OR6C1: variants seen among roughly 807,000 people sequenced by gnomAD.
OR6C1 encodes olfactory receptor 6C1.
For synonymous variants in OR6C1, 157 were observed against 133.3 expected (o/e 1.18, Z -1.22); for missense variants, 386 against 366.1 (o/e 1.05, Z -0.44).
chr12:55,316,095 A>G (rs1233803647), intron 1 of OR6C1, among the ~76,000 whole-genome samples: 5 of 123,086 alleles, frequency 4.1e-5, no homozygotes, highest in Admixed American at 7.8e-5. Flanking sequence ...TAAAAAGTAC[A>G]TACACACACA....
intron 1 of OR6C1, among the ~76,000 whole-genome samples, chr12:55,318,414 A>G (rs561523132): frequency 6.6e-6 from 1 of 151,660 alleles, no homozygotes; most frequent in Non-Finnish European, 1.5e-5. Flanking sequence ...CTTTGTTGTT[A>G]TTGTTCTCAT....
intron 1 of OR6C1, among the ~76,000 whole-genome samples, chr12:55,316,799 T>C (rs569932624): frequency 1.3e-5 from 2 of 152,082 alleles, no homozygotes; most frequent in Admixed American, 6.6e-5. Flanking sequence ...TTGGATCACA[T>C]GCTACTAGAG....
intron 1 of OR6C1, among the ~76,000 whole-genome samples, chr12:55,318,639 T>C (rs1345531674): frequency 6.8e-6 from 1 of 147,948 alleles, no homozygotes; most frequent in Non-Finnish European, 1.5e-5. Flanking sequence ...TTTATTTATA[T>C]AAAAATATAA....
chr12:55,316,190 C>T (rs1220213109), intron 1 of OR6C1, among the ~76,000 whole-genome samples: 6 of 150,928 alleles, frequency 4.0e-5, no homozygotes, highest in South Asian at 4.2e-4. Context: ...CTTAAAAGCA[C>T]ATACCTAGAT....
At position 55,321,366 on chromosome 12, in the gene OR6C1, T is replaced by G. The variant is rs1312104499; in HGVS notation, c.767T>G (p.Met256Arg). 6 of 1,613,888 alleles carry G rather than the reference T, an allele frequency of 3.7e-6. No homozygotes were observed. In the African/African-American group the frequency reaches 5.3e-5, roughly 14 times the overall value. The change falls in exon 2 of 2, where the codon ATG becomes AGG. Residue 256 changes from methionine to arginine, a missense_variant. Coordinates refer to ENST00000642104, the MANE Select transcript of OR6C1 (RefSeq NM_001005182.2). ...VSISYGSCIF[M>R]YIKPSAKDRV... Reference sequence around the variant, plus strand: ...ATCTCTTATGGCAGCTGCATTTTTATGTACATTAAACCCTCAGCAAAAGAT... The same window carrying G: ...ATCTCTTATGGCAGCTGCATTTTTAGGTACATTAAACCCTCAGCAAAAGAT...
At chr12:55,320,533 T>C (rs1868512829) in intron 1 of OR6C1, 34 bp from the exon 2 acceptor site, 2 of 924,122 alleles carry the variant, frequency 2.2e-6, no homozygotes, top group Non-Finnish European at 3.4e-6. Context: ...AATTGATAAC[T>C]CTTCAAGTTT....
rs1270509150 is a variant in OR6C1, at chr12:55,321,721, C to T, written c.*183C>T. The T allele has an allele frequency of 2.4e-6, 1 of 421,758 alleles. No individual in the cohort carries two copies. The highest frequency in any genetic ancestry group is 2.0e-5 in the African/African-American group (1 of 48,816). The allele number at this position is 421,758 out of a possible 1,614,324, so 26.1% of individuals were successfully genotyped here. A position where few individuals can be genotyped will look rare whatever the true frequency, so the allele number is the denominator to read the frequency against. On this transcript the variant is annotated 3_prime_UTR_variant, in exon 2 of 2. Transcript: ENST00000642104. ...AAATAATTTTCTTGTGTCTTCCTGA[C>T]ACCCCCTCCTTTGAACAATTTTTTG...
Position 55,321,308 on chromosome 12 carries a change from T to C in OR6C1, c.709T>C (p.Ser237Pro). ...TACTAGTCAGAGGACAAAGGCCTTT[T>C]CCACATGTTCTTCCCACATGGTTGT... ...PSTSQRTKAF[S>P]TCSSHMVVVS... The change falls in exon 2 of 2, where the codon TCC (serine) becomes CCC (proline). Residue 237 changes from serine to proline, a missense_variant. By Grantham distance (74) the Ser-to-Pro change is moderately conservative. Coordinates refer to ENST00000642104, the MANE Select transcript of OR6C1 (RefSeq NM_001005182.2). 1 of 1,613,354 alleles carries C rather than the reference T, an allele frequency of 6.2e-7. No homozygotes were observed. Among genetic ancestry groups the C allele is most frequent in the East Asian group, 2.2e-5 (1 of 44,862 alleles).
Position 55,321,142 on chromosome 12 carries a change from ACTG to A in OR6C1, c.548_550del (p.Leu183del). ...ACCATTTTACCTGTGATTATTTTCC[ACTG>A]CTGCAACTTGCTTGTTCAGACACAA... On this transcript the variant is annotated inframe_deletion, in exon 2 of 2. Coordinates refer to ENST00000642104, the MANE Select transcript of OR6C1 (RefSeq NM_001005182.2). 6.2e-7 allele frequency: 1 copy of A among 1,613,924 alleles called. No homozygotes were observed. The highest frequency in any genetic ancestry group is 8.5e-7 in the Non-Finnish European group (1 of 1,179,942).
chr12:55,316,931 G>C (rs1868419625), intron 1 of OR6C1, among the ~76,000 whole-genome samples: 1 of 151,568 alleles, frequency 6.6e-6, no homozygotes, highest in Non-Finnish European at 1.5e-5. Flanking sequence ...CTTTTCCTAT[G>C]TTCCCTCACA....
At chr12:55,317,439 A>G (rs997462764) in intron 1 of OR6C1, among the ~76,000 whole-genome samples, 2 of 152,058 alleles carry the variant, frequency 1.3e-5, no homozygotes, top group African/African-American at 2.4e-5. Context: ...TTTAGCCAAT[A>G]CGGTGAACTT....
rs377517445 is a variant in OR6C1 at position 55,321,349 on chromosome 12, T to C, written c.750T>C (p.Tyr250=). The C allele has an allele frequency of 6.2e-7, 1 of 1,613,930 alleles. No individual in the cohort carries two copies. Among genetic ancestry groups the C allele is most frequent in the East Asian group, 2.2e-5 (1 of 44,870 alleles). The change falls in exon 2 of 2, where the codon TAT becomes TAC. Residue 250 remains tyrosine, a synonymous_variant. Coordinates refer to ENST00000642104, the MANE Select transcript of OR6C1 (RefSeq NM_001005182.2). ...SSHMVVVSIS[Y]GSCIFMYIKP... ...ACATGGTTGTTGTCTCCATCTCTTA[T>C]GGCAGCTGCATTTTTATGTACATTA...
intron 1 of OR6C1, among the ~76,000 whole-genome samples, chr12:55,315,676 T>C (rs1269809816): frequency 1.3e-5 from 2 of 151,706 alleles, no homozygotes; most frequent in Non-Finnish European, 3.0e-5. Flanking sequence ...TTTAATAAAA[T>C]AATTATTTCA....
At chr12:55,319,237 T>G (rs1397181380) in intron 1 of OR6C1, among the ~76,000 whole-genome samples, 1 of 152,188 alleles carries the variant, frequency 6.6e-6, no homozygotes, top group Non-Finnish European at 1.5e-5. Context: ...CTCTTCTGTA[T>G]TCCAAACATC....
chr12:55,315,037 AAC>A, intron 1 of OR6C1, among the ~76,000 whole-genome samples: 1 of 151,806 alleles, frequency 6.6e-6, no homozygotes, highest in African/African-American at 2.4e-5. Context: ...AATAAATCAC[AAC>A]TACAATGAAT....
At chr12:55,317,681 T>C (rs961811665) in intron 1 of OR6C1, among the ~76,000 whole-genome samples, 2 of 151,858 alleles carry the variant, frequency 1.3e-5, no homozygotes, top group African/African-American at 4.8e-5. Context: ...CTGGATTATG[T>C]TGAAATAGCT....
Position 55,316,375 on chromosome 12 carries a change from T to G in OR6C1, c.-34+1776T>G, listed in dbSNP as rs963344917. ...GATGCTTTGTAACCATTTTATTTAG[T>G]AAATATTAAATATCACCCTTAATTT... On this transcript the variant is annotated intron_variant, in intron 1 of 1. Coordinates refer to ENST00000642104, the MANE Select transcript of OR6C1 (RefSeq NM_001005182.2). 2.0e-5 allele frequency among the ~76,000 whole-genome samples: 3 copies of G among 151,866 alleles called. No individual in the cohort carries two copies. The Admixed American group carries it at 2.0e-4, about 10-fold the overall frequency.
chr12:55,320,678 G>T lies in OR6C1; in HGVS notation c.79G>T (p.Val27Phe), dbSNP rs529116128. The change falls in exon 2 of 2, where the codon GTC becomes TTC. Residue 27 changes from valine (V) to phenylalanine (F), a missense_variant. Physicochemically the swap from Val to Phe is conservative, Grantham distance 50. Coordinates refer to ENST00000642104, the MANE Select transcript of OR6C1 (RefSeq NM_001005182.2). ...CCCAAATTTTCAGGTTGTAATCTTT[G>T]TCTTCCTGCTCATCACCTACATGCT... ...DDPNFQVVIFVFLLITYMLSI... is the reference protein window; with the variant it reads ...DDPNFQVVIFFFLLITYMLSI... 1 of 1,613,668 alleles carries T rather than the reference G, an allele frequency of 6.2e-7. No homozygotes were observed. Among genetic ancestry groups the T allele is most frequent in the Non-Finnish European group, 8.5e-7 (1 of 1,179,730 alleles).
chr12:55,321,596 C>T lies in OR6C1; in HGVS notation c.*58C>T, dbSNP rs1396968481. ...AAAGGACAATATGAATTTTCAGTAG[C>T]TTCTTCAATCAAAATGGCCTCCTTG... is the stretch of plus-strand genomic sequence containing the variant. On this transcript the variant is annotated 3_prime_UTR_variant, in exon 2 of 2. Transcript: ENST00000642104. 2 of 1,191,962 alleles carry T rather than the reference C, an allele frequency of 1.7e-6. No homozygotes were observed. 73.8% of individuals were successfully genotyped at this position (1,191,962 alleles called of 1,614,324 possible). A position where few individuals can be genotyped will look rare whatever the true frequency, so the allele number is the denominator to read the frequency against.
Sources: gnomAD v4.1 joint callset for allele counts (sites outside exome capture counted in the v4.1 genomes callset) on GRCh38, gnomAD v4.1.1 for gene constraint, MANE v1.5 for transcripts, NCBI Gene and HGNC (gene_info 2026-07-23, HGNC 2026-07-21) for gene names.